PDGFD: variants seen among roughly 807,000 people sequenced by gnomAD.
PDGFD encodes platelet derived growth factor D, also known as platelet-derived growth factor D.
PDGFD carries 30 observed loss-of-function variants against 44.7 expected under a neutral mutation model. The ratio of observed to expected loss-of-function variants is 0.67; its 90% CI spans 0.50 to 0.91. The LOEUF is 0.91. Ranked by LOEUF, PDGFD falls within the 40% of genes least tolerant of loss-of-function variation. The pLI is 0.00. For missense variants in PDGFD, 445 were observed against 457.8 expected (o/e 0.97, Z 0.25); for synonymous variants, 173 against 168.4 (o/e 1.03, Z -0.21).
At chr11:103,933,945 C>A (rs956340847) in intron 5 of PDGFD, among the ~76,000 whole-genome samples, 1 of 152,104 alleles carries the variant, frequency 6.6e-6, no homozygotes, top group Non-Finnish European at 1.5e-5. Flanking sequence ...AATTCATGAC[C>A]TGGGGTGATG....
chr11:103,996,340 G>A (rs1168441228), intron 2 of PDGFD, 95 bp from the exon 3 acceptor site: 2 of 1,049,456 alleles, frequency 1.9e-6, no homozygotes, highest in Admixed American at 5.1e-5. Context: ...TATATGATTT[G>A]TCATGACCAC....
intron 3 of PDGFD, among the ~76,000 whole-genome samples, chr11:103,984,993 TTAATA>T (rs1259636801): frequency 1.0e-5 from 1 of 99,740 alleles, no homozygotes; most frequent in Non-Finnish European, 2.0e-5. Context: ...ACATATTAAT[TTAATA>T]TGTTATATTT....
At chr11:103,984,495 A>T (rs528474354) in intron 3 of PDGFD, among the ~76,000 whole-genome samples, 1 of 151,744 alleles carries the variant, frequency 6.6e-6, no homozygotes, top group African/African-American at 2.4e-5. Flanking sequence ...AATAATCTGT[A>T]CAACAAACCC....
At chr11:104,161,130 T>C (rs1271841878) in intron 1 of PDGFD, among the ~76,000 whole-genome samples, 1 of 152,212 alleles carries the variant, frequency 6.6e-6, no homozygotes, top group East Asian at 1.9e-4. Flanking sequence ...CATCAGGTAA[T>C]GGTTTCTAAA....
At position 104,099,636 on chromosome 11, in the gene PDGFD, CAATAATAATAAT is replaced by C. The variant is rs72280494; in HGVS notation, c.124+64156_124+64167del. On this transcript the variant is annotated intron_variant, in intron 1 of 6. Coordinates refer to ENST00000393158, the MANE Select transcript of PDGFD (RefSeq NM_025208.5). ...GACAGAGTGAAAACTGTTTCAAAAA[CAATAATAATAAT>C]AATAATAATAATAATAATAATAATA... is the stretch of plus-strand genomic sequence containing the variant. Among the ~76,000 whole-genome samples the C allele has an allele frequency of 5.5e-3, 783 of 142,744 alleles. 1 individual carries two copies. Among genetic ancestry groups the C allele is most frequent in the Middle Eastern group, 0.018 (5 of 276 alleles). The allele number at this position is 142,744 out of a possible 152,430, so 93.6% of individuals were successfully genotyped here.
chr11:104,089,640 C>A (rs948840963), intron 1 of PDGFD, among the ~76,000 whole-genome samples: 2 of 152,096 alleles, frequency 1.3e-5, no homozygotes, highest in African/African-American at 4.8e-5. Context: ...GTTATGATAT[C>A]CACTTTACAG....
At chr11:103,938,821 C>T (rs1466379341) in intron 5 of PDGFD, among the ~76,000 whole-genome samples, 2 of 152,132 alleles carry the variant, frequency 1.3e-5, no homozygotes, top group Non-Finnish European at 2.9e-5. Context: ...AATCCTTTCC[C>T]CATTGCTTGT....
At chr11:104,101,138 A>G (rs1861371890) in intron 1 of PDGFD, among the ~76,000 whole-genome samples, 1 of 152,188 alleles carries the variant, frequency 6.6e-6, no homozygotes. Context: ...AGGGTATTCA[A>G]TTAGGAAAAG....
intron 1 of PDGFD, chr11:104,037,724 G>T: frequency 6.2e-7 from 1 of 1,614,096 alleles, no homozygotes; most frequent in African/African-American, 1.3e-5. Flanking sequence ...ATTATTGGCC[G>T]TGTTCATCTA....
intron 1 of PDGFD, among the ~76,000 whole-genome samples, chr11:104,006,686 A>T (rs1351621680): frequency 1.3e-5 from 2 of 152,210 alleles, no homozygotes; most frequent in Non-Finnish European, 2.9e-5. Flanking sequence ...ACAGCGTGGC[A>T]GAGAGAAGAG....
chr11:104,043,283 T>C (rs1860388888), intron 1 of PDGFD, among the ~76,000 whole-genome samples: 1 of 152,196 alleles, frequency 6.6e-6, no homozygotes, highest in South Asian at 2.1e-4. Context: ...GTGATGGATT[T>C]CTTCACGCAG....
intron 3 of PDGFD, among the ~76,000 whole-genome samples, chr11:103,964,036 GA>G (rs1858978105): frequency 6.6e-6 from 1 of 152,036 alleles, no homozygotes; most frequent in South Asian, 2.1e-4. Context: ...TAGCCTTCTA[GA>G]GCTTCTCCCT....
chr11:104,049,886 AG>A (rs957144679), intron 1 of PDGFD, among the ~76,000 whole-genome samples: 3 of 152,092 alleles, frequency 2.0e-5, no homozygotes, highest in African/African-American at 7.2e-5. Context: ...CCTGGTTAGA[AG>A]GGGGTTGAGG....
chr11:103,933,603 T>A (rs1858440210), intron 5 of PDGFD, among the ~76,000 whole-genome samples: 1 of 152,238 alleles, frequency 6.6e-6, no homozygotes, highest in Admixed American at 6.6e-5. Flanking sequence ...TTCCTGATTT[T>A]CAAGGTTTAG....
At chr11:103,964,856 T>C (rs1201317002) in intron 3 of PDGFD, among the ~76,000 whole-genome samples, 1 of 152,030 alleles carries the variant, frequency 6.6e-6, no homozygotes, top group Non-Finnish European at 1.5e-5. Flanking sequence ...TGCTCTGAGC[T>C]ATTAGATAGT....
intron 1 of PDGFD, among the ~76,000 whole-genome samples, chr11:104,158,402 G>C (rs1252543206): frequency 6.6e-6 from 1 of 152,178 alleles, no homozygotes; most frequent in African/African-American, 2.4e-5. Context: ...CAATACAATG[G>C]AACTGACAAT....
chr11:104,126,463 C>G (rs17101978), intron 1 of PDGFD, among the ~76,000 whole-genome samples: 2 of 152,040 alleles, frequency 1.3e-5, no homozygotes, highest in African/African-American at 4.8e-5. Flanking sequence ...CACTATTCAT[C>G]GGGTCTTTTT....
At chr11:103,914,097 C>A (rs1415394506) in intron 6 of PDGFD, among the ~76,000 whole-genome samples, 1 of 152,074 alleles carries the variant, frequency 6.6e-6, no homozygotes, top group African/African-American at 2.4e-5. Flanking sequence ...AAAGAGATAG[C>A]GAGAGGGTGA....
intron 1 of PDGFD, among the ~76,000 whole-genome samples, chr11:104,104,788 T>C (rs1368488610): frequency 6.6e-6 from 1 of 152,162 alleles, no homozygotes; most frequent in Non-Finnish European, 1.5e-5. Flanking sequence ...GAAACTTCTC[T>C]GAAGAAGATT....
Sources: allele counts gnomAD v4.1 joint callset (sites outside exome capture counted in the v4.1 genomes callset), GRCh38; gene constraint gnomAD v4.1.1; transcripts MANE v1.5; gene names NCBI Gene and HGNC (gene_info 2026-07-23, HGNC 2026-07-21).